Variants in RIDA observed in about 807,000 individuals in gnomAD.
RIDA encodes the protein reactive intermediate imine deaminase A, also known as 2-iminobutanoate/2-iminopropanoate deaminase.
A neutral mutation model predicts 17.8 loss-of-function variants in RIDA; 17 were observed. The ratio of observed to expected loss-of-function variants is 0.96; its 90% CI spans 0.65 to 1.43. RIDA has a LOEUF of 1.43. RIDA is among the 40% of genes most tolerant of loss of function. RIDA has a pLI of 0.00. For missense variants in RIDA, 158 were observed against 161.7 expected (o/e 0.98, Z 0.12); for synonymous variants, 48 against 55.7 (o/e 0.86, Z 0.62).
intron 1 of RIDA, among the ~76,000 whole-genome samples, chr8:98,114,648 G>A (rs2447506): frequency 0.46 from 69,150 of 151,882 alleles, 15,978 homozygotes; most frequent in Admixed American, 0.51. Context: ...TCTAATTTTT[G>A]TTGGTCACTT....
chr8:98,106,922 G>A (rs749987958), intron 2 of RIDA, among the ~76,000 whole-genome samples: 9 of 152,030 alleles, frequency 5.9e-5, no homozygotes, highest in Non-Finnish European at 1.0e-4. Context: ...AAACTCAAAA[G>A]CTATTAAAAA....
intron 2 of RIDA, among the ~76,000 whole-genome samples, chr8:98,108,250 A>G (rs1815661714): frequency 6.6e-6 from 1 of 152,126 alleles, no homozygotes; most frequent in South Asian, 2.1e-4. Context: ...ATTGGATTAA[A>G]ATTATATTCC....
intron 1 of RIDA, among the ~76,000 whole-genome samples, chr8:98,115,496 G>GA (rs1488067682): frequency 4.1e-5 from 6 of 147,596 alleles, no homozygotes; most frequent in Non-Finnish European, 6.0e-5. Context: ...ACATTAAGGA[G>GA]AAAAAAAATC....
intron 2 of RIDA, among the ~76,000 whole-genome samples, chr8:98,107,502 C>T (rs191128678): frequency 6.6e-5 from 10 of 152,096 alleles, no homozygotes; most frequent in Non-Finnish European, 1.3e-4. Context: ...CCAGCCTGGG[C>T]GACAGAGCAA....
In RIDA at chr8:98,106,504, T is replaced by A. The variant is rs2514336; in HGVS notation, c.172-178A>T. 518,946 of 554,834 alleles carry A rather than the reference T, an allele frequency of 0.94. 243,423 individuals carry two copies. Among genetic ancestry groups the A allele is most frequent in the South Asian group, 0.96 (37,549 of 39,192 alleles). The allele number at this position is 554,834 out of a possible 1,614,324, so 34.4% of individuals were successfully genotyped here. Reference sequence around the variant, plus strand: ...CCTTTAATAGAATGAGTCTTTCTGATATATGGTGAAAATGTTGTCTCCTTT... The same window carrying A: ...CCTTTAATAGAATGAGTCTTTCTGAAATATGGTGAAAATGTTGTCTCCTTT... On this transcript the variant is annotated intron_variant, in intron 2 of 5. Transcript: ENST00000254878.
At chr8:98,115,258 C>T (rs1420555798) in intron 1 of RIDA, among the ~76,000 whole-genome samples, 4 of 151,628 alleles carry the variant, frequency 2.6e-5, no homozygotes, top group African/African-American at 9.7e-5. Flanking sequence ...TGTGGTGGCA[C>T]CTGCCTGTAA....
At chr8:98,109,409 ACATTAGTAGT>A (rs1815686014) in intron 1 of RIDA, among the ~76,000 whole-genome samples, 1 of 152,218 alleles carries the variant, frequency 6.6e-6, no homozygotes, top group African/African-American at 2.4e-5. Flanking sequence ...AATTTGCTCA[ACATTAGTAGT>A]CATTAGAGAA....
chr8:98,108,336 T>A (rs1586215488), intron 2 of RIDA, among the ~76,000 whole-genome samples: 1 of 150,260 alleles, frequency 6.7e-6, no homozygotes, highest in South Asian at 2.1e-4. Flanking sequence ...GAGGGGCAGG[T>A]CAGTGGCCCT....
chr8:98,107,901 C>G (rs963249436), intron 2 of RIDA, among the ~76,000 whole-genome samples: 2 of 152,196 alleles, frequency 1.3e-5, no homozygotes, highest in East Asian at 3.8e-4. Context: ...TCCCGAGTAG[C>G]TGGGACTACA....
chr8:98,107,742 C>T (rs1815651576), intron 2 of RIDA, among the ~76,000 whole-genome samples: 1 of 150,564 alleles, frequency 6.6e-6, no homozygotes, highest in African/African-American at 2.4e-5. Flanking sequence ...GGACTACAGG[C>T]ATGTGCCACC....
chr8:98,107,895 G>A (rs1396002900), intron 2 of RIDA, among the ~76,000 whole-genome samples: 1 of 151,946 alleles, frequency 6.6e-6, no homozygotes, highest in Admixed American at 6.6e-5. Flanking sequence ...TTAGCCTCCC[G>A]AGTAGCTGGG....
rs987875737 is a variant in RIDA, at chr8:98,108,648, G to A, written c.169C>T (p.Gln57Ter). 1 of 1,596,784 alleles carries A rather than the reference G, an allele frequency of 6.3e-7. No homozygotes were observed. The highest frequency in any genetic ancestry group is 8.6e-7 in the Non-Finnish European group (1 of 1,164,286). The stretch of plus-strand genomic sequence containing the variant: ...CTTAAATGTGGAAAATAACTTACTT[G>A]TTTAGCTTCTTCTGCTACCCCTCCT... Reference protein sequence around the residue: ...VSGGVAEEAKQALKNMGEILK... With the variant: ...VSGGVAEEAK Residue 57 changes from glutamine (Q) to a stop codon, truncating the protein, a stop_gained and splice_region_variant, in exon 2 of 6, where the codon CAA becomes TAA. Coordinates refer to ENST00000254878, the MANE Select transcript of RIDA (RefSeq NM_005836.3). LOFTEE classifies it high-confidence loss of function.
rs528035139 is a variant in RIDA, at chr8:98,103,794, A to G, written c.351+695T>C. On this transcript the variant is annotated intron_variant, in intron 5 of 5. Transcript: ENST00000254878. ...TGGGACTACAGGCGTCCGCCACCACACCCGGCTAATTTTTTTTTGTATTTT... is the reference window on the plus strand; with the variant it reads ...TGGGACTACAGGCGTCCGCCACCACGCCCGGCTAATTTTTTTTTGTATTTT... 3.2e-4 allele frequency among the ~76,000 whole-genome samples: 49 copies of G among 151,062 alleles called. 1 individual carries two copies. The highest frequency in any genetic ancestry group is 2.0e-4 in the East Asian group (1 of 5,068).
At chr8:98,113,100 A>AAT (rs1815751213) in intron 1 of RIDA, among the ~76,000 whole-genome samples, 1 of 152,230 alleles carries the variant, frequency 6.6e-6, no homozygotes, top group Admixed American at 6.5e-5. Context: ...CATTCTAATA[A>AAT]TTCTCACATC....
At chr8:98,112,195 A>ACACACAC (rs144555285) in intron 1 of RIDA, among the ~76,000 whole-genome samples, 38 of 147,958 alleles carry the variant, frequency 2.6e-4, no homozygotes, top group African/African-American at 8.6e-4. Flanking sequence ...AACTATACTA[A>ACACACAC]ACACACACAC....
chr8:98,107,824 G>A (rs1052330209), intron 2 of RIDA, among the ~76,000 whole-genome samples: 2 of 151,410 alleles, frequency 1.3e-5, no homozygotes, highest in African/African-American at 4.9e-5. Flanking sequence ...GGCTAGAGTG[G>A]AGTGGCACAA....
At chr8:98,106,223 G>A in intron 3 of RIDA, 49 bp downstream of exon 3, 12 of 1,560,808 alleles carry the variant, frequency 7.7e-6, no homozygotes, top group Non-Finnish European at 1.1e-5. Context: ...TTTTCAAAAA[G>A]ACCAAAGAAA....
intron 1 of RIDA, among the ~76,000 whole-genome samples, chr8:98,113,420 A>G (rs1433721273): frequency 6.6e-6 from 1 of 152,234 alleles, no homozygotes; most frequent in Non-Finnish European, 1.5e-5. Context: ...TCCAATTAAC[A>G]TAAGTAGTTA....
At chr8:98,112,034 T>C (rs949066304) in intron 1 of RIDA, among the ~76,000 whole-genome samples, 1 of 152,196 alleles carries the variant, frequency 6.6e-6, no homozygotes, top group African/African-American at 2.4e-5. Context: ...ACACTTTGTT[T>C]TTTTCACTCA....
Sources: allele counts gnomAD v4.1 joint callset (sites outside exome capture counted in the v4.1 genomes callset), GRCh38; gene constraint gnomAD v4.1.1; transcripts MANE v1.5; gene names NCBI Gene and HGNC (gene_info 2026-07-23, HGNC 2026-07-21).